KYAT1: variants seen among roughly 807,000 people sequenced by gnomAD.
KYAT1 encodes kynurenine--oxoglutarate transaminase 1.
A neutral mutation model predicts 52.4 loss-of-function variants in KYAT1; 47 were observed. That is an observed-to-expected ratio of 0.90 (90% CI 0.71 to 1.14). The LOEUF is 1.14. KYAT1 is among the 50% of genes most tolerant of loss of function. KYAT1 has a pLI of 0.00. For synonymous variants in KYAT1, 212 were observed against 209.6 expected (o/e 1.01, Z -0.10); for missense variants, 480 against 557.9 (o/e 0.86, Z 1.41).
At chr9:128,842,084 C>T in intron 3 of KYAT1, 1 of 331,358 alleles carries the variant, frequency 3.0e-6, no homozygotes, top group Non-Finnish European at 6.2e-6. Flanking sequence ...CCCAGTTACT[C>T]CAGAGGCTGA....
intron 1 of KYAT1, among the ~76,000 whole-genome samples, chr9:128,864,690 C>A (rs1835958336): frequency 6.6e-6 from 1 of 152,010 alleles, no homozygotes. Flanking sequence ...CTCTCTGCAA[C>A]CTCCGCCTCC....
At chr9:128,838,825 C>T (rs552899634) in intron 3 of KYAT1, among the ~76,000 whole-genome samples, 1 of 152,306 alleles carries the variant, frequency 6.6e-6, no homozygotes, top group African/African-American at 2.4e-5. Context: ...CCTCCATGAA[C>T]CTCAGTCCAA....
chr9:128,842,514 C>T (rs918489438), intron 3 of KYAT1, 140 bp downstream of exon 3: 11 of 830,070 alleles, frequency 1.3e-5, no homozygotes, highest in African/African-American at 3.4e-5. Context: ...ACAGAGGATA[C>T]GCTCAGTAAA....
At chr9:128,854,985 T>C (rs1834421424) in intron 1 of KYAT1, among the ~76,000 whole-genome samples, 1 of 152,160 alleles carries the variant, frequency 6.6e-6, no homozygotes, top group Non-Finnish European at 1.5e-5. Context: ...ATATGGTAAG[T>C]GGAATGTCAC....
chr9:128,839,619 C>T (rs940603017), intron 3 of KYAT1, among the ~76,000 whole-genome samples: 23 of 151,776 alleles, frequency 1.5e-4, no homozygotes, highest in African/African-American at 4.8e-4. Context: ...AGCGAGACTC[C>T]GTCTCAAAAA....
chr9:128,849,406 G>A lies in KYAT1; in HGVS notation c.-6-3995C>T, dbSNP rs1304797724. On this transcript the variant is annotated intron_variant, in intron 1 of 12. Coordinates refer to ENST00000302586, the MANE Select transcript of KYAT1 (RefSeq NM_004059.5). ...AGGCTGGGTGACAGAGCAAGTCACC[G>A]GCTCAAAAAAAAAGCGGGGGTGGGG... 9.9e-5 allele frequency among the ~76,000 whole-genome samples: 10 copies of A among 100,510 alleles called. No homozygotes were observed. In the South Asian group the frequency reaches 2.0e-3, roughly 20 times the overall value. The allele number at this position is 100,510 out of a possible 152,430, so 65.9% of individuals were successfully genotyped here.
chr9:128,871,128 G>C (rs1397444893), intron 1 of KYAT1, among the ~76,000 whole-genome samples: 9 of 152,014 alleles, frequency 5.9e-5, no homozygotes, highest in African/African-American at 2.2e-4. Flanking sequence ...ATCAGCCTGG[G>C]CAACATGGTG....
At chr9:128,871,005 C>A (rs1022575918) in intron 1 of KYAT1, among the ~76,000 whole-genome samples, 2 of 149,732 alleles carry the variant, frequency 1.3e-5, no homozygotes, top group African/African-American at 4.9e-5. Context: ...AACAATATAA[C>A]CCATTTACAT....
rs75361718 is a variant in KYAT1 at position 128,864,581 on chromosome 9, G to T, written c.-7+17316C>A. Among the ~76,000 whole-genome samples the T allele has an allele frequency of 7.3e-3, 1,112 of 151,962 alleles. 7 individuals are homozygous for T. Among genetic ancestry groups the T allele is most frequent in the African/African-American group, 0.019 (790 of 41,442 alleles). The stretch of plus-strand genomic sequence containing the variant: ...GCTGTCTCTGCGATTTTGACTACTT[G>T]AAATCAGGTCCCATCACTTTTATTA... On this transcript the variant is annotated intron_variant, in intron 1 of 12. Coordinates refer to ENST00000302586, the MANE Select transcript of KYAT1 (RefSeq NM_004059.5).
At chr9:128,869,441 G>A (rs1836915932) in intron 1 of KYAT1, among the ~76,000 whole-genome samples, 1 of 152,316 alleles carries the variant, frequency 6.6e-6, no homozygotes, top group Non-Finnish European at 1.5e-5. Flanking sequence ...GATTACTGGC[G>A]TGAGCCACCG....
intron 1 of KYAT1, among the ~76,000 whole-genome samples, chr9:128,856,863 C>A (rs1418598953): frequency 6.6e-6 from 1 of 152,178 alleles, no homozygotes; most frequent in African/African-American, 2.4e-5. Context: ...ACCTGACTGT[C>A]CCCCAGCCCA....
Position 128,833,407 on chromosome 9 carries a change from G to T in KYAT1, c.*177C>A. 1.5e-6 allele frequency: 1 copy of T among 675,482 alleles called. No homozygotes were observed. Among genetic ancestry groups the T allele is most frequent in the Non-Finnish European group, 2.5e-6 (1 of 392,562 alleles). The allele number at this position is 675,482 out of a possible 1,614,324, so 41.8% of individuals were successfully genotyped here. A position where few individuals can be genotyped will look rare whatever the true frequency, so the allele number is the denominator to read the frequency against. ...CTCACCTTTCAGACAGGAGGCACTT[G>T]GTTCTCTAAGATGAAGAAGGGCGGC... On this transcript the variant is annotated 3_prime_UTR_variant, in exon 13 of 13. Coordinates refer to ENST00000302586, the MANE Select transcript of KYAT1 (RefSeq NM_004059.5).
At chr9:128,851,289 G>GT (rs1833925890) in intron 1 of KYAT1, among the ~76,000 whole-genome samples, 1 of 152,172 alleles carries the variant, frequency 6.6e-6, no homozygotes, top group Non-Finnish European at 1.5e-5. Context: ...TGCTGAGAAC[G>GT]TGAGTATTGA....
chr9:128,858,871 GGT>G (rs1835050843), intron 1 of KYAT1, among the ~76,000 whole-genome samples: 1 of 151,684 alleles, frequency 6.6e-6, no homozygotes, highest in South Asian at 2.1e-4. Context: ...AGCTGGACAT[GGT>G]GGCTCATACC....
At chr9:128,862,109 T>C (rs188436509) in intron 1 of KYAT1, among the ~76,000 whole-genome samples, 258 of 152,310 alleles carry the variant, frequency 1.7e-3, no homozygotes, top group African/African-American at 5.9e-3. Flanking sequence ...AATCAGTCTT[T>C]TTTTCCTGAA....
rs186267781 is a variant in KYAT1 at position 128,852,891 on chromosome 9, G to A, written c.-6-7480C>T. On this transcript the variant is annotated intron_variant, in intron 1 of 12. Coordinates refer to ENST00000302586, the MANE Select transcript of KYAT1 (RefSeq NM_004059.5). Reference sequence around the variant, plus strand: ...AGAAGCAACTAAAGAAATTGAATTAGTTGAAGAAAAAATTCGGTCAGCACA... The same window carrying A: ...AGAAGCAACTAAAGAAATTGAATTAATTGAAGAAAAAATTCGGTCAGCACA... 4.6e-5 allele frequency among the ~76,000 whole-genome samples: 7 copies of A among 152,322 alleles called. No individual in the cohort carries two copies. The East Asian group carries it at 1.3e-3, about 29-fold the overall frequency.
intron 1 of KYAT1, chr9:128,847,700 C>T (rs926246550): frequency 1.8e-6 from 1 of 555,020 alleles, no homozygotes. Flanking sequence ...CATTGCGTGC[C>T]AGGAATAGCA....
rs370680048 is a variant in KYAT1 at position 128,835,624 on chromosome 9, C to T, written c.899G>A (p.Arg300His). The T allele has an allele frequency of 3.3e-5, 53 of 1,611,650 alleles. No homozygotes were observed. The highest frequency in any genetic ancestry group is 6.7e-5 in the African/African-American group (5 of 74,920). The change falls in exon 10 of 13, where the codon CGC becomes CAC. Residue 300 changes from arginine to histidine, a missense_variant. Physicochemically the swap from Arg to His is conservative, Grantham distance 29 (BLOSUM62 0). Coordinates refer to ENST00000302586, the MANE Select transcript of KYAT1 (RefSeq NM_004059.5). ...CTGCACAAAGTAGCTGCTGGGTTGGCGGAAGAGCAGCTGCTCCCGTTCAAA... is the reference window on the plus strand; with the variant it reads ...CTGCACAAAGTAGCTGCTGGGTTGGTGGAAGAGCAGCTGCTCCCGTTCAAA... ...ESFEREQLLF[R>H]QPSSYFVQFP...
chr9:128,865,755 T>C (rs567863087), intron 1 of KYAT1, among the ~76,000 whole-genome samples: 2 of 152,192 alleles, frequency 1.3e-5, no homozygotes, highest in East Asian at 3.9e-4. Flanking sequence ...ATGAGAGAAT[T>C]TGGTCCAGTG....
Sources: gnomAD v4.1 joint callset for allele counts (sites outside exome capture counted in the v4.1 genomes callset) on GRCh38, gnomAD v4.1.1 for gene constraint, MANE v1.5 for transcripts, NCBI Gene and HGNC (gene_info 2026-07-23, HGNC 2026-07-21) for gene names.